The following RAB2A variants were observed in gnomAD, a reference collection of about 807,000 sequenced individuals.
RAB2A encodes the protein ras-related protein Rab-2A.
RAB2A carries 7 observed loss-of-function variants against 32.5 expected under a neutral mutation model. The ratio of observed to expected loss-of-function variants is 0.22; its 90% CI spans 0.12 to 0.40. The LOEUF (loss-of-function observed/expected upper bound fraction) is 0.40, where lower values mean the gene tolerates loss of function less well. Ranked by LOEUF, RAB2A falls within the 10% of genes least tolerant of loss-of-function variation. The probability of loss-of-function intolerance (pLI) is 1.00; values close to 1 mark genes in which losing one functional copy is unlikely to be tolerated. For missense variants in RAB2A, 108 were observed against 260.7 expected (o/e 0.41, Z 4.03); for synonymous variants, 79 against 85.2 (o/e 0.93, Z 0.40).
intron 6 of RAB2A, among the ~76,000 whole-genome samples, chr8:60,607,021 AT>A (rs559968175): frequency 0.15 from 22,024 of 150,778 alleles, 4,500 homozygotes; most frequent in African/African-American, 0.47. Flanking sequence ...CATGGTCACT[AT>A]TATATGTTGT....
At position 60,563,913 on chromosome 8, in the gene RAB2A, G is replaced by A. The variant is rs116565443; in HGVS notation, c.118+4990G>A. Among the ~76,000 whole-genome samples, 1,160 of 152,140 alleles carry A rather than the reference G, an allele frequency of 7.6e-3. 14 individuals carry two copies. Among genetic ancestry groups the A allele is most frequent in the African/African-American group, 0.025 (1,056 of 41,512 alleles). On this transcript the variant is annotated intron_variant, in intron 2 of 7. Transcript: ENST00000262646. ...ACAGTTTTCTTGTCCCTCTCATGCT[G>A]TATCATAGTCTCGTGGCTAAACCAT...
At chr8:60,564,953 A>C (rs1317329519) in intron 2 of RAB2A, among the ~76,000 whole-genome samples, 1 of 152,226 alleles carries the variant, frequency 6.6e-6, no homozygotes, top group Non-Finnish European at 1.5e-5. Flanking sequence ...TTGCATTCCT[A>C]TATGTTATAC....
intron 2 of RAB2A, among the ~76,000 whole-genome samples, chr8:60,561,320 A>G (rs1004202755): frequency 1.6e-4 from 24 of 152,024 alleles, no homozygotes; most frequent in African/African-American, 5.8e-4. Flanking sequence ...TTTCTTTCTA[A>G]CTTTTACAGT....
At chr8:60,540,553 C>G (rs1807624886) in intron 1 of RAB2A, among the ~76,000 whole-genome samples, 1 of 152,238 alleles carries the variant, frequency 6.6e-6, no homozygotes, top group Admixed American at 6.5e-5. Context: ...AATCTTGGCT[C>G]ACTGCAACTT....
intron 3 of RAB2A, among the ~76,000 whole-genome samples, chr8:60,574,759 A>C (rs954613143): frequency 1.3e-5 from 2 of 152,216 alleles, no homozygotes; most frequent in Non-Finnish European, 2.9e-5. Flanking sequence ...TCTTTGCACA[A>C]CAATAAACTT....
At chr8:60,561,996 A>G (rs1425002971) in intron 2 of RAB2A, among the ~76,000 whole-genome samples, 1 of 152,024 alleles carries the variant, frequency 6.6e-6, no homozygotes, top group Non-Finnish European at 1.5e-5. Flanking sequence ...CTTTTCCCTA[A>G]CACGTATAGA....
chr8:60,610,533 A>G (rs1804325048), intron 6 of RAB2A, among the ~76,000 whole-genome samples: 1 of 152,312 alleles, frequency 6.6e-6, no homozygotes, highest in East Asian at 1.9e-4. Context: ...GATGCATACC[A>G]CAAGACTTCA....
Position 60,583,362 on chromosome 8 carries a change from TCAGA to T in RAB2A, c.187-841_187-838del, listed in dbSNP as rs371044512. Among the ~76,000 whole-genome samples, 62 of 152,164 alleles carry T rather than the reference TCAGA, an allele frequency of 4.1e-4. 2 individuals carry two copies. In the East Asian group the frequency reaches 8.3e-3, roughly 20 times the overall value. On this transcript the variant is annotated intron_variant, in intron 3 of 7. Coordinates refer to ENST00000262646, the MANE Select transcript of RAB2A (RefSeq NM_002865.3). ...TATAAGAGCTGTCTCGGTTTTAAAC[TCAGA>T]CAGAACAGTCACATTCCTCCCCAGC... is the stretch of plus-strand genomic sequence containing the variant.
intron 6 of RAB2A, among the ~76,000 whole-genome samples, chr8:60,607,385 C>T (rs1224016581): frequency 2.8e-5 from 4 of 145,180 alleles, no homozygotes; most frequent in South Asian, 2.2e-4. Context: ...GCCGAGATCG[C>T]GCCACTGCAC....
intron 6 of RAB2A, among the ~76,000 whole-genome samples, chr8:60,596,249 A>G (rs922733653): frequency 1.3e-5 from 2 of 152,248 alleles, no homozygotes; most frequent in Non-Finnish European, 2.9e-5. Flanking sequence ...CAAAGACTTC[A>G]TGACTAAAAC....
intron 6 of RAB2A, among the ~76,000 whole-genome samples, chr8:60,607,726 C>T (rs1305725140): frequency 6.6e-6 from 1 of 152,180 alleles, no homozygotes; most frequent in African/African-American, 2.4e-5. Context: ...GTAGATACTG[C>T]TGATCCAGGG....
At position 60,577,371 on chromosome 8, in the gene RAB2A, T is replaced by C. The variant is rs191666091; in HGVS notation, c.186+5258T>C. 9.9e-5 allele frequency among the ~76,000 whole-genome samples: 15 copies of C among 152,198 alleles called. 1 individual carries two copies. Among genetic ancestry groups the C allele is most frequent in the Admixed American group, 9.8e-4 (15 of 15,272 alleles). ...CTAAGCCTTTTTTCCAAAGTAAATA[T>C]CCTCAAATTTTTTAAAGCATTCAAC... On this transcript the variant is annotated intron_variant, in intron 3 of 7. Coordinates refer to ENST00000262646, the MANE Select transcript of RAB2A (RefSeq NM_002865.3).
chr8:60,603,928 G>T (rs568379256), intron 6 of RAB2A, among the ~76,000 whole-genome samples: 94 of 152,244 alleles, frequency 6.2e-4, no homozygotes, highest in African/African-American at 2.2e-3. Flanking sequence ...ATAGATGCTT[G>T]ATTGATAGAC....
chr8:60,591,762 GT>G lies in RAB2A; in HGVS notation c.363-95del, dbSNP rs1803948614. The G allele has an allele frequency of 1.6e-5, 12 of 728,144 alleles. No homozygotes were observed. The East Asian group carries it at 3.0e-4, about 18-fold the overall frequency. The allele number at this position is 728,144 out of a possible 1,614,324, so 45.1% of individuals were successfully genotyped here. The stretch of plus-strand genomic sequence containing the variant: ...ATGTTAAAAATTAATTAAAAGAATG[GT>G]CATCACAACTTTGAATTCCATGGTA... On this transcript the variant is annotated intron_variant, in intron 5 of 7. Coordinates refer to ENST00000262646, the MANE Select transcript of RAB2A (RefSeq NM_002865.3).
intron 3 of RAB2A, among the ~76,000 whole-genome samples, chr8:60,578,626 T>C (rs1409474613): frequency 2.0e-5 from 3 of 152,182 alleles, no homozygotes; most frequent in Non-Finnish European, 4.4e-5. Context: ...CTCAAGAGCT[T>C]AGGACTTTAA....
At chr8:60,559,565 T>G (rs1248817960) in intron 2 of RAB2A, among the ~76,000 whole-genome samples, 1 of 152,194 alleles carries the variant, frequency 6.6e-6, no homozygotes. Context: ...TGTATTAATA[T>G]GCAAAGGAAA....
chr8:60,613,115 C>T (rs1001121982), intron 6 of RAB2A, among the ~76,000 whole-genome samples: 1 of 152,138 alleles, frequency 6.6e-6, no homozygotes, highest in Non-Finnish European at 1.5e-5. Context: ...TTTTGGGGGG[C>T]TCATTGTGCA....
At chr8:60,620,543 T>G (rs1045070159) in intron 7 of RAB2A, 131 bp from the exon 8 acceptor site, 1 of 674,026 alleles carries the variant, frequency 1.5e-6, no homozygotes, top group East Asian at 2.8e-5. Flanking sequence ...TAATTGTTGC[T>G]AAAATCTACT....
chr8:60,613,919 A>C (rs1586116983), intron 6 of RAB2A, among the ~76,000 whole-genome samples: 1 of 152,318 alleles, frequency 6.6e-6, no homozygotes, highest in Admixed American at 6.5e-5. Flanking sequence ...TCTCAGTTCT[A>C]AGAGAAAACT....
Sources: allele counts gnomAD v4.1 joint callset (sites outside exome capture counted in the v4.1 genomes callset), GRCh38; gene constraint gnomAD v4.1.1; transcripts MANE v1.5; gene names NCBI Gene and HGNC (gene_info 2026-07-23, HGNC 2026-07-21).